CHD9: variants seen among roughly 807,000 people sequenced by gnomAD.
CHD9 encodes chromodomain helicase DNA binding protein 9.
A neutral mutation model predicts 316.1 loss-of-function variants in CHD9; 77 were observed. The ratio of observed to expected loss-of-function variants is 0.24; its 90% CI spans 0.20 to 0.29. The LOEUF is 0.29. Ranked by LOEUF, CHD9 falls within the 10% of genes least tolerant of loss-of-function variation. CHD9 has a pLI of 1.00. For missense variants in CHD9, 2,763 were observed against 3,438.1 expected (o/e 0.80, Z 4.91); for synonymous variants, 1,129 against 1,158.3 (o/e 0.97, Z 0.51).
At chr16:53,179,009 C>T (rs149512625) in intron 2 of CHD9, among the ~76,000 whole-genome samples, 25 of 151,546 alleles carry the variant, frequency 1.6e-4, no homozygotes, top group South Asian at 1.5e-3. Flanking sequence ...GGCAACATAG[C>T]GAGACCCTGT....
intron 2 of CHD9, among the ~76,000 whole-genome samples, chr16:53,201,290 T>A (rs2045433392): frequency 6.6e-6 from 1 of 152,238 alleles, no homozygotes; most frequent in Admixed American, 6.5e-5. Context: ...AAGTACTGCA[T>A]ACTAATGTAA....
Position 53,321,510 on chromosome 16 carries a change from T to C in CHD9, c.7714-16T>C. On this transcript the variant is annotated splice_polypyrimidine_tract_variant and intron_variant, in intron 37 of 38. Transcript: ENST00000447540. ...TGTAACAGTGTTGTAGTATTTAATCTGTTTCTAATTTACAGGTTGGAGGTG... is the reference window on the plus strand; with the variant it reads ...TGTAACAGTGTTGTAGTATTTAATCCGTTTCTAATTTACAGGTTGGAGGTG... The C allele has an allele frequency of 6.6e-7, 1 of 1,525,896 alleles. No individual in the cohort carries two copies. The allele number at this position is 1,525,896 out of a possible 1,614,324, so 94.5% of individuals were successfully genotyped here.
intron 1 of CHD9, among the ~76,000 whole-genome samples, chr16:53,080,940 G>A (rs1195126559): frequency 6.6e-6 from 1 of 152,220 alleles, no homozygotes; most frequent in South Asian, 2.1e-4. Context: ...TGTCTGTCTG[G>A]TTGGGTTTTG....
chr16:53,188,602 C>CTTTTTTTT lies in CHD9; in HGVS notation c.1453-20859_1453-20852dup, dbSNP rs369979479. 1.8e-4 allele frequency among the ~76,000 whole-genome samples: 13 copies of CTTTTTTTT among 71,250 alleles called. 3 individuals are homozygous for CTTTTTTTT. The highest frequency in any genetic ancestry group is 2.8e-4 in the Non-Finnish European group (10 of 36,050). The allele number at this position is 71,250 out of a possible 152,430, so 46.7% of individuals were successfully genotyped here. A position where few individuals can be genotyped will look rare whatever the true frequency, so the allele number is the denominator to read the frequency against. On this transcript the variant is annotated intron_variant, in intron 2 of 38. Transcript: ENST00000447540. ...TTTTCATGGGCTTACTGGTCATTAC[C>CTTTTTTTT]TTTTTTTTTTTTTTTTTTTTTTTTT...
chr16:53,156,703 C>T lies in CHD9; in HGVS notation c.614C>T (p.Pro205Leu), dbSNP rs181512440. 1 of 1,613,946 alleles carries T rather than the reference C, an allele frequency of 6.2e-7. No homozygotes were observed. Among genetic ancestry groups the T allele is most frequent in the African/African-American group, 1.3e-5 (1 of 75,022 alleles). The change falls in exon 2 of 39, where the codon CCA becomes CTA. Residue 205 changes from proline to leucine, a missense_variant. Physicochemically the swap from Pro to Leu is moderately conservative, Grantham distance 98. Transcript: ENST00000447540. Reference protein sequence around the residue: ...QSKNFMNVSGPHRVNVNHPPQ... With the variant: ...QSKNFMNVSGLHRVNVNHPPQ... The stretch of plus-strand genomic sequence containing the variant: ...AAAAATTTTATGAATGTTTCTGGTC[C>T]ACATAGAGTCAATGTTAACCACCCA...
At chr16:53,138,249 AT>A (rs993914070) in intron 1 of CHD9, among the ~76,000 whole-genome samples, 1 of 152,168 alleles carries the variant, frequency 6.6e-6, no homozygotes, top group African/African-American at 2.4e-5. Context: ...TTATATCTTT[AT>A]TTTATACCAT....
intron 1 of CHD9, among the ~76,000 whole-genome samples, chr16:53,080,485 C>G (rs557246675): frequency 6.6e-6 from 1 of 152,200 alleles, no homozygotes; most frequent in African/African-American, 2.4e-5. Context: ...GTCTCTACAA[C>G]ATGCTACCCC....
intron 22 of CHD9, among the ~76,000 whole-genome samples, chr16:53,270,394 GA>G (rs1274157444): frequency 6.6e-6 from 1 of 152,058 alleles, no homozygotes; most frequent in Admixed American, 6.6e-5. Flanking sequence ...TCTTAGGGCT[GA>G]TAATAGTGTT....
At chr16:53,141,203 A>G (rs1349731194) in intron 1 of CHD9, among the ~76,000 whole-genome samples, 38 of 152,226 alleles carry the variant, frequency 2.5e-4, no homozygotes, top group Non-Finnish European at 1.5e-5. Context: ...CAGTACTGTT[A>G]TAATCCCTAT....
At chr16:53,313,558 G>A (rs1295710002) in intron 34 of CHD9, among the ~76,000 whole-genome samples, 7 of 151,984 alleles carry the variant, frequency 4.6e-5, no homozygotes, top group Non-Finnish European at 8.8e-5. Flanking sequence ...TGCCCACCTC[G>A]TCCTTCCAAA....
chr16:53,228,612 A>G (rs1057508161), intron 7 of CHD9, among the ~76,000 whole-genome samples: 2 of 149,010 alleles, frequency 1.3e-5, no homozygotes, highest in African/African-American at 2.5e-5. Context: ...CAGTGGCGCA[A>G]TCTCGGCTCA....
chr16:53,177,009 G>C lies in CHD9; in HGVS notation c.1452+19468G>C, dbSNP rs1369834943. On this transcript the variant is annotated intron_variant, in intron 2 of 38. Coordinates refer to ENST00000447540, the MANE Select transcript of CHD9 (RefSeq NM_001308319.2). The stretch of plus-strand genomic sequence containing the variant: ...CTCACTTTGTCGCCCAGGCTGGAGT[G>C]CAGAGGCGCCATCTCGGCTCAATGC... 2.6e-5 allele frequency among the ~76,000 whole-genome samples: 4 copies of C among 152,278 alleles called. No homozygotes were observed. In the East Asian group the frequency reaches 7.7e-4, roughly 29 times the overall value.
In CHD9 at chr16:53,227,580, A is replaced by AT; in HGVS notation, c.2151dup (p.Val718CysfsTer12). The AT allele has an allele frequency of 2.2e-6, 3 of 1,359,410 alleles. No homozygotes were observed. The highest frequency in any genetic ancestry group is 1.6e-5 in the South Asian group (1 of 64,018). The allele number at this position is 1,359,410 out of a possible 1,614,324, so 84.2% of individuals were successfully genotyped here. The stretch of plus-strand genomic sequence containing the variant: ...CTGGAGTGATGATTGATACAGAAGA[A>AT]TTTTTTGTAAAATACAAGAATTAGT... On this transcript the variant is annotated frameshift_variant, in exon 7 of 39. Coordinates refer to ENST00000447540, the MANE Select transcript of CHD9 (RefSeq NM_001308319.2). LOFTEE classifies it high-confidence loss of function.
At chr16:53,136,892 G>C (rs67673290) in intron 1 of CHD9, among the ~76,000 whole-genome samples, 47,855 of 151,858 alleles carry the variant, frequency 0.32, 7,723 homozygotes, top group Middle Eastern at 0.39. Flanking sequence ...CATAGATTAG[G>C]TCTGCCTATT....
intron 1 of CHD9, among the ~76,000 whole-genome samples, chr16:53,144,701 T>C (rs1304990344): frequency 6.6e-6 from 1 of 152,084 alleles, no homozygotes; most frequent in Non-Finnish European, 1.5e-5. Flanking sequence ...AATTTTTGTA[T>C]TTTTAGTAGA....
At chr16:53,184,556 G>A (rs2043822599) in intron 2 of CHD9, among the ~76,000 whole-genome samples, 1 of 151,986 alleles carries the variant, frequency 6.6e-6, no homozygotes, top group African/African-American at 2.4e-5. Flanking sequence ...CAGTGCCCAG[G>A]CTGGACTTGA....
At chr16:53,066,804 G>A (rs1037499248) in intron 1 of CHD9, among the ~76,000 whole-genome samples, 2 of 152,074 alleles carry the variant, frequency 1.3e-5, no homozygotes, top group Admixed American at 6.6e-5. Flanking sequence ...GCATGTTAGC[G>A]GGCCAGTTTC....
At chr16:53,119,584 G>A (rs1597048584) in intron 1 of CHD9, among the ~76,000 whole-genome samples, 1 of 152,238 alleles carries the variant, frequency 6.6e-6, no homozygotes, top group African/African-American at 2.4e-5. Flanking sequence ...TGTAATCCCA[G>A]CACTTTGGGA....
intron 1 of CHD9, among the ~76,000 whole-genome samples, chr16:53,063,358 T>TCACACACACACACACA (rs67988137): frequency 1.2e-3 from 169 of 137,126 alleles, no homozygotes; most frequent in Non-Finnish European, 1.6e-3. Context: ...CTCATAAATT[T>TCACACACACACACACA]CACACACACA....
Sources: allele counts gnomAD v4.1 joint callset (sites outside exome capture counted in the v4.1 genomes callset), GRCh38; gene constraint gnomAD v4.1.1; transcripts MANE v1.5; gene names NCBI Gene and HGNC (gene_info 2026-07-23, HGNC 2026-07-21).